ZFP36L2: variants seen among roughly 807,000 people sequenced by gnomAD.
The protein encoded by ZFP36L2 is ZFP36 like 2 zinc finger CCCH-type.
In ZFP36L2, 16 loss-of-function variants were observed where a neutral mutation model predicts 27.9. The observed-to-expected ratio is 0.57, with a 90% CI of 0.39 to 0.87. The LOEUF (loss-of-function observed/expected upper bound fraction) is 0.87, where lower values mean the gene tolerates loss of function less well. ZFP36L2 is among the 40% of genes least tolerant of loss of function. The pLI, the probability that ZFP36L2 is intolerant of heterozygous loss-of-function variation, is 0.00. For synonymous variants in ZFP36L2, 600 were observed against 363.8 expected (o/e 1.65, Z -7.39); for missense variants, 989 against 726.9 (o/e 1.36, Z -4.15).
chr2:43,224,948 G>A lies in ZFP36L2; in HGVS notation c.856C>T (p.Arg286Cys). Residue 286 changes from arginine to cysteine, a missense_variant, in exon 2 of 2, where the codon CGC becomes TGC. Coordinates refer to ENST00000282388, the MANE Select transcript of ZFP36L2 (RefSeq NM_006887.5). ...SPLLLDSPTS[R>C]TPPPPSCSSA... ...GAGCAGGAGGGCGGCGGCGGCGTGC[G>A]CGACGTGGGGCTGTCGAGCAGCAGC... The A allele has an allele frequency of 6.4e-7, 1 of 1,550,998 alleles. No individual in the cohort carries two copies. The highest frequency in any genetic ancestry group is 1.2e-5 in the South Asian group (1 of 85,210).
rs1490954023 is a variant in ZFP36L2 at position 43,223,984 on chromosome 2, T to C, written c.*335A>G. On this transcript the variant is annotated 3_prime_UTR_variant, in exon 2 of 2. Coordinates refer to ENST00000282388, the MANE Select transcript of ZFP36L2 (RefSeq NM_006887.5). The stretch of plus-strand genomic sequence containing the variant: ...CAAACTCATCGGAGTCCTAACAAAG[T>C]TTAAGTGTTTTTTTTTTTTTTTTGT... 5 of 221,854 alleles carry C rather than the reference T, an allele frequency of 2.3e-5. No individual in the cohort carries two copies. The highest frequency in any genetic ancestry group is 4.3e-5 in the Non-Finnish European group (5 of 115,954). The allele number at this position is 221,854 out of a possible 1,614,324, so 13.7% of individuals were successfully genotyped here. A position where few individuals can be genotyped will look rare whatever the true frequency, so the allele number is the denominator to read the frequency against.
chr2:43,226,177 G>A (rs1667098951), intron 1 of ZFP36L2, 88 bp downstream of exon 1: 1 of 1,512,220 alleles, frequency 6.6e-7, no homozygotes, highest in South Asian at 1.2e-5. Flanking sequence ...AAGGCAGGGC[G>A]GGAGGGGCGT....
Position 43,225,612 on chromosome 2 carries a change from G to C in ZFP36L2, c.192C>G (p.Leu64=), listed in dbSNP as rs1212599118. The change falls in exon 2 of 2, where the codon CTC becomes CTG. Residue 64 remains leucine, a synonymous_variant. Coordinates refer to ENST00000282388, the MANE Select transcript of ZFP36L2 (RefSeq NM_006887.5). The stretch of plus-strand genomic sequence containing the variant: ...TGCCGGGGCTGGGCGCGGGGTGGGC[G>C]AGTGCATGCAGGTTGCTGGCCGAGT... ...RRHSASNLHA[L]AHPAPSPGSC... is the part of the protein sequence containing the mutation. 1 of 1,561,894 alleles carries C rather than the reference G, an allele frequency of 6.4e-7. No homozygotes were observed.
chr2:43,226,135 C>T (rs577948369), intron 1 of ZFP36L2, 130 bp downstream of exon 1: 1 of 1,365,782 alleles, frequency 7.3e-7, no homozygotes, highest in Non-Finnish European at 1.0e-6. Context: ...CTCGGACACT[C>T]TTTTGCAAAC....
rs2103978727 is a variant in ZFP36L2, at chr2:43,226,297, A to G, written c.19T>C (p.Ser7Pro). 2 of 1,588,822 alleles carry G rather than the reference A, an allele frequency of 1.3e-6. No individual in the cohort carries two copies. Among genetic ancestry groups the G allele is most frequent in the East Asian group, 2.3e-5 (1 of 43,586 alleles). Reference protein sequence around the residue: MSTTLLSAFYDVDFLCK... With the variant: MSTTLLPAFYDVDFLCK... ...AAGAAGTCGACATCGTAGAAGGCGG[A>G]CAGAAGTGTGGTCGACATGTTTCTG... is the stretch of plus-strand genomic sequence containing the variant. The change falls in exon 1 of 2, where the codon TCC becomes CCC. Residue 7 changes from serine to proline, a missense_variant. By Grantham distance (74) the Ser-to-Pro change is moderately conservative (BLOSUM62 -1). Coordinates refer to ENST00000282388, the MANE Select transcript of ZFP36L2 (RefSeq NM_006887.5).
In ZFP36L2 at chr2:43,226,184, G is replaced by C. The variant is rs890660771; in HGVS notation, c.51+81C>G. 10 of 1,509,290 alleles carry C rather than the reference G, an allele frequency of 6.6e-6. No homozygotes were observed. In the African/African-American group the frequency reaches 9.8e-5, roughly 15 times the overall value. The allele number at this position is 1,509,290 out of a possible 1,614,324, so 93.5% of individuals were successfully genotyped here. On this transcript the variant is annotated intron_variant, in intron 1 of 1. Transcript: ENST00000282388. ...CGACCTGAAAGGCAGGGCGGGAGGG[G>C]CGTCCCCCAGAACCTGGGGACAGAG...
chr2:43,226,435 G>C lies in ZFP36L2; in HGVS notation c.-120C>G. The C allele has an allele frequency of 7.5e-7, 1 of 1,337,350 alleles. No individual in the cohort carries two copies. Among genetic ancestry groups the C allele is most frequent in the South Asian group, 1.3e-5 (1 of 79,474 alleles). 82.8% of individuals were successfully genotyped at this position (1,337,350 alleles called of 1,614,324 possible). ...GGCGAGGGGCGGGGAGGGGCCGAAA[G>C]TTTGCCGGGGGGCGAGAGGAGAGGG... On this transcript the variant is annotated 5_prime_UTR_variant, in exon 1 of 2. Transcript: ENST00000282388.
Position 43,224,501 on chromosome 2 carries a change from G to A in ZFP36L2, c.1303C>T (p.Arg435Cys). Residue 435 changes from arginine to cysteine, a missense_variant, in exon 2 of 2, where the codon CGC becomes TGC. Transcript: ENST00000282388. ...AACACGGGCGAGTCGGACAGGCGGCGCGGCAGCTGGAAGCTGAAGGGCGGC... is the reference window on the plus strand; with the variant it reads ...AACACGGGCGAGTCGGACAGGCGGCACGGCAGCTGGAAGCTGAAGGGCGGC... ...PSPPFSFQLP[R>C]RLSDSPVFDA... 6.7e-7 allele frequency: 1 copy of A among 1,493,404 alleles called. No individual in the cohort carries two copies. The highest frequency in any genetic ancestry group is 8.9e-7 in the Non-Finnish European group (1 of 1,127,162). 92.5% of individuals were successfully genotyped at this position (1,493,404 alleles called of 1,614,324 possible).
rs1049748453 is a variant in ZFP36L2, at chr2:43,222,726, G to A, written c.*1593C>T. The A allele has an allele frequency of 2.6e-5, 4 of 152,322 alleles. No homozygotes were observed. The highest frequency in any genetic ancestry group is 9.7e-5 in the African/African-American group (4 of 41,420). 9.4% of individuals were successfully genotyped at this position (152,322 alleles called of 1,614,324 possible). Reference sequence around the variant, plus strand: ...CTGTAATTAAACAAGGCATATTCATGTACTACATATTTCAGCACTAAGGCG... The same window carrying A: ...CTGTAATTAAACAAGGCATATTCATATACTACATATTTCAGCACTAAGGCG... On this transcript the variant is annotated 3_prime_UTR_variant, in exon 2 of 2. Transcript: ENST00000282388.
rs891551605 is a variant in ZFP36L2 at position 43,224,259 on chromosome 2, G to A, written c.*60C>T. ...GCCCCCAGCAAGGGCGAGATGGCGA[G>A]GGGTGTCCTCCAACATCTCTGAACC... On this transcript the variant is annotated 3_prime_UTR_variant, in exon 2 of 2. Transcript: ENST00000282388. The A allele has an allele frequency of 1.2e-5, 18 of 1,450,658 alleles. No individual in the cohort carries two copies. Among genetic ancestry groups the A allele is most frequent in the Admixed American group, 2.3e-5 (1 of 43,256 alleles). 89.9% of individuals were successfully genotyped at this position (1,450,658 alleles called of 1,614,324 possible). A position where few individuals can be genotyped will look rare whatever the true frequency, so the allele number is the denominator to read the frequency against.
rs374546953 is a variant in ZFP36L2 at position 43,225,377 on chromosome 2, C to T, written c.427G>A (p.Gly143Arg). ...GAGTTGATCTGGGAGCCGCCGCCCC[C>T]CTTCTGCTGCTGCTGCAGGTGCAGG... ...HLLHLQQQQK[G>R]GGGSQINSTR... Residue 143 changes from glycine (G) to arginine (R), a missense_variant, in exon 2 of 2, where the codon GGG becomes AGG. Physicochemically the swap from Gly to Arg is moderately radical, Grantham distance 125. Coordinates refer to ENST00000282388, the MANE Select transcript of ZFP36L2 (RefSeq NM_006887.5). The T allele has an allele frequency of 3.1e-6, 5 of 1,613,674 alleles. No homozygotes were observed. Among genetic ancestry groups the T allele is most frequent in the Non-Finnish European group, 4.2e-6 (5 of 1,179,964 alleles).
chr2:43,224,333 T>C lies in ZFP36L2; in HGVS notation c.1471A>G (p.Ile491Val). 6.3e-7 allele frequency: 1 copy of C among 1,578,468 alleles called. No individual in the cohort carries two copies. Among genetic ancestry groups the C allele is most frequent in the Admixed American group, 1.7e-5 (1 of 57,566 alleles). ...RRLPIFSRLS[I>V]SDD is the part of the protein sequence containing the mutation. ...GCCCTCTTGCCTCAGTCGTCGGAGA[T>C]GGAGAGGCGGCTGAAGATTGGCAGG... The change falls in exon 2 of 2, where the codon ATC (isoleucine) becomes GTC (valine). Residue 491 changes from isoleucine (I) to valine (V), a missense_variant. Coordinates refer to ENST00000282388, the MANE Select transcript of ZFP36L2 (RefSeq NM_006887.5).
rs778628116 is a variant in ZFP36L2, at chr2:43,225,234, C to G, written c.570G>C (p.Pro190=). ...FHELRSLTRH[P]KYKTELCRTF... ...TGCGGCACAGCTCGGTCTTGTACTT[C>G]GGATGGCGAGTCAGGCTGCGCAGCT... The change falls in exon 2 of 2, where the codon CCG becomes CCC. Residue 190 remains proline (P), a synonymous_variant. Transcript: ENST00000282388. 1.2e-5 allele frequency: 20 copies of G among 1,608,100 alleles called. No homozygotes were observed. Among genetic ancestry groups the G allele is most frequent in the Non-Finnish European group, 1.5e-5 (18 of 1,179,898 alleles).
In ZFP36L2 at chr2:43,223,757, G is replaced by C. The variant is rs1029706057; in HGVS notation, c.*562C>G. On this transcript the variant is annotated 3_prime_UTR_variant, in exon 2 of 2. Coordinates refer to ENST00000282388, the MANE Select transcript of ZFP36L2 (RefSeq NM_006887.5). ...GGGCTAACTATCAAGGCATATTCTT[G>C]GCAGAATATATTGGATTTTAAAAAG... 2.9e-5 allele frequency: 4 copies of C among 135,636 alleles called. No individual in the cohort carries two copies. Among genetic ancestry groups the C allele is most frequent in the Non-Finnish European group, 6.1e-5 (4 of 65,270 alleles). The allele number at this position is 135,636 out of a possible 1,614,324, so 8.4% of individuals were successfully genotyped here. A position where few individuals can be genotyped will look rare whatever the true frequency, so the allele number is the denominator to read the frequency against.
chr2:43,224,311 C>G lies in ZFP36L2; in HGVS notation c.*8G>C. 6.4e-7 allele frequency: 1 copy of G among 1,565,408 alleles called. No homozygotes were observed. Among genetic ancestry groups the G allele is most frequent in the Non-Finnish European group, 8.6e-7 (1 of 1,161,496 alleles). ...CCTTCCCTTCCTCCTCACTGGCGCC[C>G]TCTTGCCTCAGTCGTCGGAGATGGA... is the stretch of plus-strand genomic sequence containing the variant. On this transcript the variant is annotated 3_prime_UTR_variant, in exon 2 of 2. Transcript: ENST00000282388.
chr2:43,225,597 G>A lies in ZFP36L2; in HGVS notation c.207C>T (p.Pro69=), dbSNP rs776508025. Residue 69 remains proline (P), a synonymous_variant, in exon 2 of 2, where the codon CCC becomes CCT. Coordinates refer to ENST00000282388, the MANE Select transcript of ZFP36L2 (RefSeq NM_006887.5). Reference sequence around the variant, plus strand: ...ACTTGGGCGAGCAGCTGCCGGGGCTGGGCGCGGGGTGGGCGAGTGCATGCA... The same window carrying A: ...ACTTGGGCGAGCAGCTGCCGGGGCTAGGCGCGGGGTGGGCGAGTGCATGCA... The part of the protein sequence containing the change: ...SNLHALAHPA[P]SPGSCSPKFP... The A allele has an allele frequency of 6.4e-7, 1 of 1,558,880 alleles. No homozygotes were observed. Among genetic ancestry groups the A allele is most frequent in the East Asian group, 2.3e-5 (1 of 42,832 alleles).
Position 43,224,616 on chromosome 2 carries a change from C to G in ZFP36L2, c.1188G>C (p.Gln396His), listed in dbSNP as rs773123280. The G allele has an allele frequency of 6.8e-6, 10 of 1,464,542 alleles. No homozygotes were observed. The African/African-American group carries it at 1.0e-4, about 15-fold the overall frequency. The allele number at this position is 1,464,542 out of a possible 1,614,324, so 90.7% of individuals were successfully genotyped here. Reference protein sequence around the residue: ...VAAAAYYRSQQQQQQQGLAPP... With the variant: ...VAAAAYYRSQHQQQQQGLAPP... ...GCGCCAGGCCCTGCTGCTGCTGCTG[C>G]TGCTGACTGCGGTAGTAGGCGGCGG... is the stretch of plus-strand genomic sequence containing the variant. The change falls in exon 2 of 2, where the codon CAG (glutamine) becomes CAC (histidine). Residue 396 changes from glutamine (Q) to histidine (H), a missense_variant. Coordinates refer to ENST00000282388, the MANE Select transcript of ZFP36L2 (RefSeq NM_006887.5).
In ZFP36L2 at chr2:43,226,341, G is replaced by A; in HGVS notation, c.-26C>T. The A allele has an allele frequency of 2.6e-6, 4 of 1,564,750 alleles. No homozygotes were observed. In the East Asian group the frequency reaches 7.1e-5, roughly 28 times the overall value. The stretch of plus-strand genomic sequence containing the variant: ...GTTTCTGGATCCCGCAGTGGCCGGA[G>A]CGGCAGGCCGGGAGGTCGGGAGGAG... On this transcript the variant is annotated 5_prime_UTR_variant, in exon 1 of 2. Coordinates refer to ENST00000282388, the MANE Select transcript of ZFP36L2 (RefSeq NM_006887.5).
rs1435709950 is a variant in ZFP36L2, at chr2:43,225,471, G to A, written c.333C>T (p.Ala111=). The A allele has an allele frequency of 1.2e-6, 2 of 1,611,422 alleles. No homozygotes were observed. Among genetic ancestry groups the A allele is most frequent in the South Asian group, 1.1e-5 (1 of 90,972 alleles). ...GGAATTTGTTCTCCTTGTTGAGCAG[G>A]GCTGTGCCGCCGCCCCCCGACGGCT... ...LKEPSGGGGT[A]LLNKENKFRD... Residue 111 remains alanine (A), a synonymous_variant, in exon 2 of 2, where the codon GCC becomes GCT. Transcript: ENST00000282388.
Sources: allele counts gnomAD v4.1 joint callset, GRCh38; gene constraint gnomAD v4.1.1; transcripts MANE v1.5; gene names NCBI Gene and HGNC (gene_info 2026-07-23, HGNC 2026-07-21).